SPATA16: variants seen among roughly 807,000 people sequenced by gnomAD.
SPATA16 encodes spermatogenesis associated 16, also known as spermatogenesis-associated protein 16.
SPATA16 carries 36 observed loss-of-function variants against 63.3 expected under a neutral mutation model. The ratio of observed to expected loss-of-function variants is 0.57; its 90% CI spans 0.44 to 0.75. The LOEUF (loss-of-function observed/expected upper bound fraction) is 0.75, where lower values mean the gene tolerates loss of function less well. Ranked by LOEUF, SPATA16 falls within the 30% of genes least tolerant of loss-of-function variation. The pLI, the probability that SPATA16 is intolerant of heterozygous loss-of-function variation, is 0.00. For missense variants in SPATA16, 646 were observed against 679.3 expected, an observed-to-expected ratio of 0.95 and a Z score of 0.54; for synonymous variants, 203 against 216.7, an observed-to-expected ratio of 0.94 and a Z score of 0.56.
intron 4 of SPATA16, among the ~76,000 whole-genome samples, chr3:172,998,752 G>A (rs923912116): frequency 5.3e-5 from 8 of 152,014 alleles, no homozygotes; most frequent in Non-Finnish European, 1.0e-4. Flanking sequence ...TTTGTGTCAC[G>A]AATATTTGTT....
intron 1 of SPATA16, among the ~76,000 whole-genome samples, chr3:173,122,401 AT>A (rs1241832036): frequency 1.3e-5 from 2 of 152,134 alleles, no homozygotes; most frequent in Non-Finnish European, 2.9e-5. Context: ...TATTTATTAA[AT>A]TTTTGGTTGA....
At chr3:172,908,592 G>A (rs955867588) in intron 10 of SPATA16, among the ~76,000 whole-genome samples, 8 of 152,144 alleles carry the variant, frequency 5.3e-5, no homozygotes, top group East Asian at 1.9e-4. Context: ...CATCTTGATC[G>A]GCTTTTTATA....
intron 10 of SPATA16, among the ~76,000 whole-genome samples, chr3:172,891,019 C>T (rs1217875061): frequency 7.0e-6 from 1 of 142,848 alleles, no homozygotes; most frequent in Non-Finnish European, 1.6e-5. Context: ...CACATATACA[C>T]TATCTGATTT....
chr3:173,072,208 G>A (rs1053723838), intron 2 of SPATA16, among the ~76,000 whole-genome samples: 1 of 152,174 alleles, frequency 6.6e-6, no homozygotes, highest in African/African-American at 2.4e-5. Context: ...TGTGGCACAT[G>A]TATGTCGTGG....
At chr3:172,971,631 C>A (rs1426100708) in intron 5 of SPATA16, among the ~76,000 whole-genome samples, 10 of 152,156 alleles carry the variant, frequency 6.6e-5, no homozygotes, top group Non-Finnish European at 4.4e-5. Flanking sequence ...GCCTTACATA[C>A]AGTCACTAAG....
intron 6 of SPATA16, among the ~76,000 whole-genome samples, chr3:172,930,553 CTTTTTT>C (rs34780432): frequency 1.7e-4 from 15 of 87,364 alleles, no homozygotes; most frequent in African/African-American, 6.7e-4. Flanking sequence ...CATTCAAACT[CTTTTTT>C]TTTTTTTTTT....
intron 3 of SPATA16, among the ~76,000 whole-genome samples, chr3:173,022,567 C>T (rs1039370716): frequency 3.3e-5 from 5 of 151,982 alleles, no homozygotes; most frequent in Non-Finnish European, 2.9e-5. Flanking sequence ...ATTAATTTAT[C>T]GATGCTTTCT....
intron 1 of SPATA16, among the ~76,000 whole-genome samples, chr3:173,136,519 T>G (rs1738549234): frequency 6.6e-6 from 1 of 152,114 alleles, no homozygotes; most frequent in African/African-American, 2.4e-5. Context: ...ATTATACCGT[T>G]TTAGTTATTT....
chr3:173,038,767 G>A (rs1452528310), intron 3 of SPATA16, among the ~76,000 whole-genome samples: 1 of 152,162 alleles, frequency 6.6e-6, no homozygotes, highest in Non-Finnish European at 1.5e-5. Flanking sequence ...TTTCAGGCTG[G>A]TCACTTGAGG....
At chr3:173,137,948 A>G (rs919867366) in intron 1 of SPATA16, among the ~76,000 whole-genome samples, 3 of 151,926 alleles carry the variant, frequency 2.0e-5, no homozygotes, top group Admixed American at 2.0e-4. Flanking sequence ...GGACTACTGC[A>G]ATCCTTTCTT....
At chr3:172,919,499 G>A (rs1732571685) in intron 8 of SPATA16, among the ~76,000 whole-genome samples, 1 of 152,182 alleles carries the variant, frequency 6.6e-6, no homozygotes, top group African/African-American at 2.4e-5. Context: ...AGGGTCAGAA[G>A]TGTAAAGAGA....
chr3:173,010,860 C>G (rs1577130704), intron 4 of SPATA16, among the ~76,000 whole-genome samples: 1 of 152,176 alleles, frequency 6.6e-6, no homozygotes, highest in East Asian at 1.9e-4. Flanking sequence ...GCTGCCCCTC[C>G]CCATTACAGC....
At chr3:172,969,818 A>C (rs1184608991) in intron 5 of SPATA16, among the ~76,000 whole-genome samples, 1 of 152,170 alleles carries the variant, frequency 6.6e-6, no homozygotes, top group Non-Finnish European at 1.5e-5. Context: ...TGGCTAATAG[A>C]ATGTTAGAAA....
chr3:173,095,229 G>A (rs951653908), intron 2 of SPATA16, among the ~76,000 whole-genome samples: 6 of 152,086 alleles, frequency 3.9e-5, no homozygotes, highest in Non-Finnish European at 5.9e-5. Context: ...TAAATAAAGT[G>A]CTGGCATAAA....
At chr3:173,039,818 G>A (rs1034032515) in intron 3 of SPATA16, among the ~76,000 whole-genome samples, 1 of 152,114 alleles carries the variant, frequency 6.6e-6, no homozygotes. Context: ...AGTGCTGTAT[G>A]CAGAGCTATT....
chr3:173,102,160 G>A (rs1356609476), intron 2 of SPATA16, among the ~76,000 whole-genome samples: 1 of 152,100 alleles, frequency 6.6e-6, no homozygotes, highest in Non-Finnish European at 1.5e-5. Flanking sequence ...TCTGTAGTCT[G>A]TCTAATCTTG....
rs144675015 is a variant in SPATA16, at chr3:173,134,255, G to A, written c.-19+6848C>T. Among the ~76,000 whole-genome samples the A allele has an allele frequency of 5.3e-3, 801 of 152,290 alleles. 6 individuals carry two copies. Among genetic ancestry groups the A allele is most frequent in the Middle Eastern group, 0.017 (5 of 294 alleles). On this transcript the variant is annotated intron_variant, in intron 1 of 10. Coordinates refer to ENST00000351008, the MANE Select transcript of SPATA16 (RefSeq NM_031955.6). The stretch of plus-strand genomic sequence containing the variant: ...AAGCATGTCCCCTAAAAGTTCATGT[G>A]TTGGAAGCCTGATTTTCACCTTGAT...
chr3:172,952,155 G>T (rs1426045233), intron 6 of SPATA16, among the ~76,000 whole-genome samples: 2 of 152,174 alleles, frequency 1.3e-5, no homozygotes, highest in African/African-American at 4.8e-5. Context: ...TAGAGGAATA[G>T]ATATATGTAC....
chr3:173,069,783 C>A (rs1364191778), intron 2 of SPATA16, among the ~76,000 whole-genome samples: 1 of 152,134 alleles, frequency 6.6e-6, no homozygotes, highest in Non-Finnish European at 1.5e-5. Flanking sequence ...AAAGATCATT[C>A]ATTATGATCA....
Sources: allele counts gnomAD v4.1 joint callset (sites outside exome capture counted in the v4.1 genomes callset), GRCh38; gene constraint gnomAD v4.1.1; transcripts MANE v1.5; gene names NCBI Gene and HGNC (gene_info 2026-07-23, HGNC 2026-07-21).